The following KCTD10 variants were observed in gnomAD, a reference collection of about 807,000 sequenced individuals.
KCTD10 encodes the protein potassium channel tetramerization domain containing 10.
A neutral mutation model predicts 34.6 loss-of-function variants in KCTD10; 13 were observed. The observed-to-expected ratio is 0.38, with a 90% CI of 0.24 to 0.60. The LOEUF is 0.60. Among genes scored for constraint, KCTD10 ranks in the 20% least tolerant of loss-of-function variants. KCTD10 has a pLI of 0.66. For missense variants in KCTD10, 256 were observed against 420.3 expected, an observed-to-expected ratio of 0.61 and a Z score of 3.42; for synonymous variants, 156 against 168.8, an observed-to-expected ratio of 0.92 and a Z score of 0.59.
At chr12:109,453,063 TTC>T (rs942204243) in intron 6 of KCTD10, among the ~76,000 whole-genome samples, 2 of 152,172 alleles carry the variant, frequency 1.3e-5, no homozygotes, top group African/African-American at 2.4e-5. Context: ...CCTCTTTCTT[TTC>T]TCTTTTTTGT....
rs1873284501 is a variant in KCTD10, at chr12:109,460,846, C to T, written c.218-41G>A. 2 of 1,600,116 alleles carry T rather than the reference C, an allele frequency of 1.2e-6. No homozygotes were observed. The highest frequency in any genetic ancestry group is 3.4e-5 in the Admixed American group (2 of 59,514). On this transcript the variant is annotated intron_variant, in intron 2 of 6. Coordinates refer to ENST00000228495, the MANE Select transcript of KCTD10 (RefSeq NM_031954.5). The surrounding 1 kb of genome is among the most constrained non-coding windows in gnomAD (Gnocchi z 4.5). The stretch of plus-strand genomic sequence containing the variant: ...GCAGGGGCTGGTTACATGGGCCCTC[C>T]TCTTGTGGGAGGCCCTGAGCAGAGC...
intron 1 of KCTD10, 125 bp from the exon 2 acceptor site, chr12:109,469,853 C>T: frequency 6.9e-7 from 1 of 1,457,676 alleles, no homozygotes; most frequent in South Asian, 1.4e-5. Flanking sequence ...TAAAAGTTTG[C>T]TTCCAATGTG....
At position 109,456,113 on chromosome 12, in the gene KCTD10, C is replaced by T. The variant is rs751241555; in HGVS notation, c.723+5G>A. The T allele has an allele frequency of 2.5e-6, 4 of 1,614,176 alleles. No homozygotes were observed. Among genetic ancestry groups the T allele is most frequent in the Non-Finnish European group, 3.4e-6 (4 of 1,180,022 alleles). ...CACTCCAAACTGTCCTCTCGAGGCT[C>T]TTACCTTGGTCTGTTTCTTCTCAGT... On this transcript the variant is annotated splice_donor_5th_base_variant and intron_variant, in intron 6 of 6. Coordinates refer to ENST00000228495, the MANE Select transcript of KCTD10 (RefSeq NM_031954.5).
chr12:109,472,159 C>T (rs1873921498), intron 1 of KCTD10, among the ~76,000 whole-genome samples: 1 of 152,072 alleles, frequency 6.6e-6, no homozygotes, highest in Admixed American at 6.5e-5. Context: ...TAACTTTTTA[C>T]TTTAAAAACT....
intron 1 of KCTD10, among the ~76,000 whole-genome samples, chr12:109,473,637 G>A (rs920882367): frequency 2.0e-5 from 3 of 152,122 alleles, no homozygotes; most frequent in African/African-American, 7.2e-5. Flanking sequence ...AGTAGGCAAG[G>A]CCCTTGGGGG....
intron 1 of KCTD10, chr12:109,470,399 G>GC: frequency 3.0e-6 from 3 of 985,486 alleles, no homozygotes; most frequent in Non-Finnish European, 3.6e-6. Context: ...GCCCAAAAGA[G>GC]CAAGATCCCA....
intron 2 of KCTD10, among the ~76,000 whole-genome samples, chr12:109,468,062 T>C (rs183753598): frequency 6.6e-6 from 1 of 152,104 alleles, no homozygotes; most frequent in African/African-American, 2.4e-5. Flanking sequence ...GGGGGTGCTA[T>C]TGTCTTGATT....
intron 6 of KCTD10, among the ~76,000 whole-genome samples, chr12:109,455,770 G>C (rs948190471): frequency 1.3e-5 from 2 of 152,310 alleles, no homozygotes; most frequent in Admixed American, 1.3e-4. Flanking sequence ...GCACTATGCA[G>C]AGCAATCCAG....
intron 1 of KCTD10, chr12:109,470,558 T>C (rs947700286): frequency 2.0e-6 from 2 of 985,306 alleles, no homozygotes; most frequent in Admixed American, 6.2e-5. Context: ...GGTAAAACTG[T>C]AGAGGTGGAG....
At chr12:109,464,235 G>A (rs1426486022) in intron 2 of KCTD10, among the ~76,000 whole-genome samples, 1 of 152,166 alleles carries the variant, frequency 6.6e-6, no homozygotes, top group Non-Finnish European at 1.5e-5. Context: ...GAAAAATTCA[G>A]ATTCTAGCAA....
chr12:109,461,507 C>A (rs76279190), intron 2 of KCTD10, among the ~76,000 whole-genome samples: 2,084 of 152,232 alleles, frequency 0.014, 49 homozygotes, highest in African/African-American at 0.048. Flanking sequence ...CACTGTGAAA[C>A]ATTCTTGGGG....
At chr12:109,466,786 T>A (rs914401485) in intron 2 of KCTD10, among the ~76,000 whole-genome samples, 1 of 152,256 alleles carries the variant, frequency 6.6e-6, no homozygotes, top group African/African-American at 2.4e-5. Context: ...GCTGTACTGC[T>A]GGATTCACTG....
At chr12:109,459,770 T>C (rs1460723929) in intron 3 of KCTD10, 1 of 152,144 alleles carries the variant, frequency 6.6e-6, no homozygotes, top group Non-Finnish European at 1.5e-5. Flanking sequence ...GCGAATTATG[T>C]GGAAACATAA....
chr12:109,476,990 G>A (rs1200733951), intron 1 of KCTD10, among the ~76,000 whole-genome samples: 1 of 151,738 alleles, frequency 6.6e-6, no homozygotes, highest in Non-Finnish European at 1.5e-5. Context: ...CCTTCCTCAC[G>A]CACACACGTA....
intron 5 of KCTD10, chr12:109,457,008 A>G (rs1219861612): frequency 6.4e-6 from 1 of 155,136 alleles, no homozygotes; most frequent in Non-Finnish European, 1.4e-5. Flanking sequence ...AACAACCCAA[A>G]TGTCCATCAA....
intron 1 of KCTD10, among the ~76,000 whole-genome samples, chr12:109,475,157 G>C (rs1874095461): frequency 6.6e-6 from 1 of 152,106 alleles, no homozygotes; most frequent in Non-Finnish European, 1.5e-5. Flanking sequence ...CTGGCTACTA[G>C]AATCACCTGC....
At chr12:109,476,512 G>A (rs1874288150) in intron 1 of KCTD10, among the ~76,000 whole-genome samples, 1 of 152,160 alleles carries the variant, frequency 6.6e-6, no homozygotes, top group Non-Finnish European at 1.5e-5. Flanking sequence ...CTGAGAGACA[G>A]ATCTTGAAAC....
Position 109,471,067 on chromosome 12 carries a change from C to T in KCTD10, c.4-1339G>A, listed in dbSNP as rs555637046. The T allele has an allele frequency of 1.7e-5, 17 of 975,280 alleles. No individual in the cohort carries two copies. The East Asian group carries it at 1.6e-3, about 92-fold the overall frequency. 60.4% of individuals were successfully genotyped at this position (975,280 alleles called of 1,614,324 possible). ...CCAACTTTGCTTGACTACAGGTATG[C>T]TCCTCGTGCTTTTTGGCTGCAGGGC... On this transcript the variant is annotated intron_variant, in intron 1 of 6. Coordinates refer to ENST00000228495, the MANE Select transcript of KCTD10 (RefSeq NM_031954.5).
intron 2 of KCTD10, among the ~76,000 whole-genome samples, chr12:109,461,881 C>G (rs1873347052): frequency 6.6e-6 from 1 of 152,202 alleles, no homozygotes; most frequent in African/African-American, 2.4e-5. Context: ...TGCGCAGGGC[C>G]GTGAGAAGGC....
Sources: allele counts gnomAD v4.1 joint callset (sites outside exome capture counted in the v4.1 genomes callset), GRCh38; gene constraint gnomAD v4.1.1; non-coding constraint Gnocchi (gnomAD v3.1); transcripts MANE v1.5; gene names NCBI Gene and HGNC (gene_info 2026-07-23, HGNC 2026-07-21).